Variants in LYRM4 observed in about 807,000 individuals in gnomAD.
LYRM4 encodes LYR motif-containing protein 4.
LYRM4 carries 9 observed loss-of-function variants against 11.7 expected under a neutral mutation model. The observed-to-expected ratio is 0.77, with a 90% CI of 0.46 to 1.34. LYRM4 has a LOEUF of 1.34. Among genes scored for constraint, LYRM4 ranks in the 40% most tolerant of loss-of-function variants. LYRM4 has a pLI of 0.00. For missense variants in LYRM4, 133 were observed against 112.5 expected (o/e 1.18, Z -0.82); for synonymous variants, 42 against 40.4 (o/e 1.04, Z -0.15).
intron 2 of LYRM4, among the ~76,000 whole-genome samples, chr6:5,148,518 G>GGGGCGCAGAGTCA (rs1321881105): frequency 1.7e-4 from 9 of 54,366 alleles, no homozygotes; most frequent in Non-Finnish European, 1.9e-4. Context: ...AGCTGGGCTG[G>GGGGCGCAGAGTCA]GTATACGCCT....
At chr6:5,189,646 T>A (rs1319474636) in intron 2 of LYRM4, among the ~76,000 whole-genome samples, 2 of 152,226 alleles carry the variant, frequency 1.3e-5, no homozygotes, top group East Asian at 3.8e-4. Context: ...GAGCTACTAA[T>A]AACTCCATTT....
intron 2 of LYRM4, among the ~76,000 whole-genome samples, chr6:5,175,356 G>A (rs1357723722): frequency 3.9e-5 from 6 of 152,138 alleles, no homozygotes; most frequent in Non-Finnish European, 7.4e-5. Flanking sequence ...AAAACGTAGA[G>A]GCCTTCTAGT....
chr6:5,215,694 T>A (rs1054482185), intron 2 of LYRM4, among the ~76,000 whole-genome samples: 1 of 152,200 alleles, frequency 6.6e-6, no homozygotes, highest in Non-Finnish European at 1.5e-5. Flanking sequence ...AAGATTATTA[T>A]CTAATTTAAT....
intron 2 of LYRM4, among the ~76,000 whole-genome samples, chr6:5,148,519 G>GGGGCAGAGTCAGAACTCTGAATCGTAA (rs1349462777): frequency 2.3e-5 from 1 of 43,000 alleles, no homozygotes; most frequent in Non-Finnish European, 5.6e-5. Context: ...GCTGGGCTGG[G>GGGGCAGAGTCAGAACTCTGAATCGTAA]TATACGCCTT....
chr6:5,094,291 G>A, the LYRM4 span, among the ~76,000 whole-genome samples: 34 of 152,088 alleles, frequency 2.2e-4, no homozygotes, highest in African/African-American at 7.2e-4. Flanking sequence ...AGACAAGCCC[G>A]GAGAACAAAG....
chr6:5,092,010 A>G, the LYRM4 span, among the ~76,000 whole-genome samples: 1 of 152,220 alleles, frequency 6.6e-6, no homozygotes, highest in African/African-American at 2.4e-5. Flanking sequence ...GCATACTAAC[A>G]TAGCTGGAAA....
chr6:5,113,437 G>C (rs1391981225), intron 2 of LYRM4: 2 of 348,840 alleles, frequency 5.7e-6, no homozygotes, highest in East Asian at 1.1e-4. Flanking sequence ...AAAGAGTGCA[G>C]GTGAGAGGTG....
downstream of LYRM4, chr6:5,105,050 T>C (rs979214887): frequency 6.6e-6 from 1 of 152,220 alleles, no homozygotes; most frequent in African/African-American, 2.4e-5. Context: ...TACTCTTTGG[T>C]TTGCTATGTG....
At chr6:5,113,118 G>C in intron 2 of LYRM4, 1 of 223,728 alleles carries the variant, frequency 4.5e-6, no homozygotes, top group Non-Finnish European at 9.2e-6. Flanking sequence ...TGTGGCGAGG[G>C]GACCCAGTTA....
At chr6:5,219,650 G>A (rs761964962) in intron 1 of LYRM4, among the ~76,000 whole-genome samples, 2 of 151,894 alleles carry the variant, frequency 1.3e-5, no homozygotes, top group Non-Finnish European at 2.9e-5. Flanking sequence ...TTTGGTGGGA[G>A]GGGGCTAATC....
intron 1 of LYRM4, among the ~76,000 whole-genome samples, chr6:5,219,896 A>G (rs1373742819): frequency 6.6e-6 from 1 of 152,206 alleles, no homozygotes; most frequent in Non-Finnish European, 1.5e-5. Flanking sequence ...GAAATACGGC[A>G]TGAAAAACTA....
intron 1 of LYRM4, among the ~76,000 whole-genome samples, chr6:5,256,686 C>T (rs1269599733): frequency 6.6e-6 from 1 of 151,954 alleles, no homozygotes; most frequent in East Asian, 1.9e-4. Context: ...CTGCAGTGCT[C>T]ATCACTCCTC....
At chr6:5,140,928 TG>T (rs1757374419) in intron 2 of LYRM4, among the ~76,000 whole-genome samples, 2 of 152,192 alleles carry the variant, frequency 1.3e-5, no homozygotes, top group African/African-American at 4.8e-5. Flanking sequence ...CCTTCCAACT[TG>T]TTGTTCAGGT....
intron 2 of LYRM4, among the ~76,000 whole-genome samples, chr6:5,120,352 G>T (rs77952197): frequency 1.3e-5 from 2 of 152,138 alleles, no homozygotes; most frequent in Non-Finnish European, 1.5e-5. Flanking sequence ...GTCTGTGCAC[G>T]GGAGCCACAG....
At chr6:5,069,935 T>C in the LYRM4 span, among the ~76,000 whole-genome samples, 1 of 152,212 alleles carries the variant, frequency 6.6e-6, no homozygotes, top group Admixed American at 6.5e-5. Flanking sequence ...ATGCAATAAC[T>C]GTGAGGTGAG....
chr6:5,200,167 G>T (rs1761304607), intron 2 of LYRM4, among the ~76,000 whole-genome samples: 1 of 152,158 alleles, frequency 6.6e-6, no homozygotes, highest in Non-Finnish European at 1.5e-5. Context: ...TATTCTCATT[G>T]CCAGGGTTTA....
At chr6:5,137,551 ATCT>A (rs1454222438) in intron 2 of LYRM4, among the ~76,000 whole-genome samples, 8 of 152,184 alleles carry the variant, frequency 5.3e-5, no homozygotes, top group African/African-American at 1.9e-4. Flanking sequence ...GATACTGAAC[ATCT>A]TCTTTGAGCT....
At chr6:5,065,092 C>T in the LYRM4 span, among the ~76,000 whole-genome samples, 10 of 152,240 alleles carry the variant, frequency 6.6e-5, no homozygotes, top group African/African-American at 2.4e-4. Context: ...TTGCCTTATC[C>T]AGAATGTCAT....
intron 1 of LYRM4, among the ~76,000 whole-genome samples, chr6:5,243,720 T>C (rs1764015531): frequency 6.6e-6 from 1 of 152,256 alleles, no homozygotes; most frequent in South Asian, 2.1e-4. Context: ...GTTATTTTTA[T>C]ATATCAGTTA....
Sources: gnomAD v4.1 joint callset for allele counts (sites outside exome capture counted in the v4.1 genomes callset) on GRCh38, gnomAD v4.1.1 for gene constraint, MANE v1.5 for transcripts, NCBI Gene and HGNC (gene_info 2026-07-23, HGNC 2026-07-21) for gene names.